Variants in NARS2 observed in about 807,000 individuals in gnomAD.
The protein encoded by NARS2 is asparaginyl-tRNA synthetase 2, mitochondrial.
A neutral mutation model predicts 62.9 loss-of-function variants in NARS2; 60 were observed. That is an observed-to-expected ratio of 0.95 (90% CI 0.77 to 1.18). The LOEUF is 1.18. Among genes scored for constraint, NARS2 ranks in the 50% most tolerant of loss-of-function variants. The probability of loss-of-function intolerance (pLI) is 0.00; values close to 1 mark genes in which losing one functional copy is unlikely to be tolerated. For missense variants in NARS2, 619 were observed against 576.4 expected, an observed-to-expected ratio of 1.07 and a Z score of -0.76; for synonymous variants, 196 against 200.0, an observed-to-expected ratio of 0.98 and a Z score of 0.17.
At chr11:78,490,594 AT>A (rs1859777429) in intron 7 of NARS2, among the ~76,000 whole-genome samples, 2 of 152,056 alleles carry the variant, frequency 1.3e-5, no homozygotes, top group African/African-American at 4.8e-5. Context: ...AGGCAGGCGG[AT>A]GGCTTGAGCT....
intron 9 of NARS2, among the ~76,000 whole-genome samples, chr11:78,473,750 C>T (rs1321115745): frequency 6.6e-6 from 1 of 152,208 alleles, no homozygotes; most frequent in Admixed American, 6.5e-5. Context: ...TTTGTAAATT[C>T]TCTATGCTGG....
intron 7 of NARS2, among the ~76,000 whole-genome samples, chr11:78,492,205 G>T (rs1474051226): frequency 6.6e-6 from 1 of 151,414 alleles, no homozygotes; most frequent in Admixed American, 6.6e-5. Flanking sequence ...CTATGTATTG[G>T]AATTTTGATG....
At chr11:78,465,772 T>C in intron 11 of NARS2, 104 bp downstream of exon 11, 1 of 1,283,944 alleles carries the variant, frequency 7.8e-7, no homozygotes, top group Non-Finnish European at 1.1e-6. Flanking sequence ...ATTATCATTT[T>C]AAGAGATAGA....
chr11:78,549,387 CAG>C (rs1434786011), intron 5 of NARS2, among the ~76,000 whole-genome samples: 1 of 152,214 alleles, frequency 6.6e-6, no homozygotes, highest in Non-Finnish European at 1.5e-5. Flanking sequence ...GGCCATAAAA[CAG>C]AGCTCCAAAT....
At chr11:78,503,253 C>T (rs545349456) in intron 6 of NARS2, among the ~76,000 whole-genome samples, 2 of 152,230 alleles carry the variant, frequency 1.3e-5, no homozygotes, top group South Asian at 2.1e-4. Context: ...AGCACAGATG[C>T]TGAATGGTAC....
chr11:78,525,189 A>T (rs1590814206), intron 6 of NARS2, among the ~76,000 whole-genome samples: 1 of 152,106 alleles, frequency 6.6e-6, no homozygotes, highest in Non-Finnish European at 1.5e-5. Flanking sequence ...AGCAAAAACT[A>T]TTCTGTATGT....
chr11:78,441,042 C>G (rs774324186), intron 13 of NARS2, 49 bp downstream of exon 13: 2 of 1,566,720 alleles, frequency 1.3e-6, no homozygotes, highest in East Asian at 4.5e-5. Flanking sequence ...TTCTAGGCAA[C>G]AGTCAGACAA....
chr11:78,553,456 T>C (rs7108742), intron 5 of NARS2, among the ~76,000 whole-genome samples: 98,225 of 151,862 alleles, frequency 0.65, 35,132 homozygotes, highest in Non-Finnish European at 0.81. Flanking sequence ...GCCCGGCTAA[T>C]GTTTGTATTT....
chr11:78,513,261 A>T (rs1860781545), intron 6 of NARS2, among the ~76,000 whole-genome samples: 1 of 152,128 alleles, frequency 6.6e-6, no homozygotes, highest in South Asian at 2.1e-4. Context: ...AATAAAATAA[A>T]ATGTACAATT....
Position 78,478,437 on chromosome 11 carries a change from C to T in NARS2, c.959+1G>A, listed in dbSNP as rs1158541426. On this transcript the variant is annotated splice_donor_variant, in intron 9 of 13. Transcript: ENST00000281038. LOFTEE classifies it high-confidence loss of function. The stretch of plus-strand genomic sequence containing the variant: ...GTTCAAAAAGTATAACATCTACTTA[C>T]ATTAAAAAGTTGTTTTTTAGCATAT... 1 of 1,048,170 alleles carries T rather than the reference C, an allele frequency of 9.5e-7. No individual in the cohort carries two copies. Among genetic ancestry groups the T allele is most frequent in the Non-Finnish European group, 1.4e-6 (1 of 738,678 alleles). 64.9% of individuals were successfully genotyped at this position (1,048,170 alleles called of 1,614,324 possible).
At position 78,497,207 on chromosome 11, in the gene NARS2, A is replaced by G. The variant is rs144791943; in HGVS notation, c.690-4012T>C. ...AATACACATCAACCTAGATAGCTACAAAAATGGCTCTTTGGAAAATAAAAA... is the reference window on the plus strand; with the variant it reads ...AATACACATCAACCTAGATAGCTACGAAAATGGCTCTTTGGAAAATAAAAA... On this transcript the variant is annotated intron_variant, in intron 6 of 13. Coordinates refer to ENST00000281038, the MANE Select transcript of NARS2 (RefSeq NM_024678.6). Among the ~76,000 whole-genome samples, 1,453 of 151,470 alleles carry G rather than the reference A, an allele frequency of 9.6e-3. 18 individuals carry two copies. Among genetic ancestry groups the G allele is most frequent in the African/African-American group, 0.031 (1,268 of 41,256 alleles).
intron 5 of NARS2, among the ~76,000 whole-genome samples, chr11:78,543,794 A>G (rs1289919721): frequency 6.6e-6 from 1 of 152,074 alleles, no homozygotes; most frequent in Non-Finnish European, 1.5e-5. Context: ...GCACTTTGGG[A>G]GGCCAAGGCG....
At chr11:78,561,666 A>C (rs1274904828) in intron 4 of NARS2, among the ~76,000 whole-genome samples, 2 of 152,226 alleles carry the variant, frequency 1.3e-5, no homozygotes, top group Admixed American at 1.3e-4. Flanking sequence ...TGAAATAACT[A>C]TTATTTAATC....
At chr11:78,499,627 G>C (rs906360302) in intron 6 of NARS2, among the ~76,000 whole-genome samples, 1 of 152,144 alleles carries the variant, frequency 6.6e-6, no homozygotes, top group African/African-American at 2.4e-5. Context: ...TCTTTGAAAA[G>C]GACTAGAGCG....
chr11:78,463,713 C>CAAAAAAA lies in NARS2; in HGVS notation c.1164+2156_1164+2162dup, dbSNP rs10649252. Among the ~76,000 whole-genome samples, 103 of 47,982 alleles carry CAAAAAAA rather than the reference C, an allele frequency of 2.1e-3. 6 individuals are homozygous for CAAAAAAA. Among genetic ancestry groups the CAAAAAAA allele is most frequent in the African/African-American group, 7.5e-3 (94 of 12,542 alleles). The allele number at this position is 47,982 out of a possible 152,430, so 31.5% of individuals were successfully genotyped here. A position where few individuals can be genotyped will look rare whatever the true frequency, so the allele number is the denominator to read the frequency against. ...AAAAAAAGACAACTATAGTTAAGGT[C>CAAAAAAA]AAAAAAAAAAAAAAAAAAAAAAAAC... is the stretch of plus-strand genomic sequence containing the variant. On this transcript the variant is annotated intron_variant, in intron 11 of 13. Transcript: ENST00000281038.
intron 5 of NARS2, among the ~76,000 whole-genome samples, chr11:78,530,956 A>G (rs1384321192): frequency 6.6e-6 from 1 of 152,208 alleles, no homozygotes; most frequent in Non-Finnish European, 1.5e-5. Context: ...TATTACAATT[A>G]AAGTATTATA....
At chr11:78,450,526 C>T (rs1262880177) in intron 11 of NARS2, among the ~76,000 whole-genome samples, 1 of 152,126 alleles carries the variant, frequency 6.6e-6, no homozygotes, top group Non-Finnish European at 1.5e-5. Flanking sequence ...TGCAAAGTTG[C>T]TTCCCCTCTT....
At chr11:78,469,466 T>C (rs1181217014) in intron 9 of NARS2, among the ~76,000 whole-genome samples, 153 bp from the exon 10 acceptor site, 2 of 152,242 alleles carry the variant, frequency 1.3e-5, no homozygotes, top group Non-Finnish European at 2.9e-5. Flanking sequence ...GAAAGAATGA[T>C]CTGCCTGAAG....
chr11:78,452,742 T>C (rs1448130364), intron 11 of NARS2, among the ~76,000 whole-genome samples: 2 of 152,164 alleles, frequency 1.3e-5, no homozygotes, highest in Non-Finnish European at 2.9e-5. Context: ...AATAATGGCA[T>C]AGGAACCCTC....
Sources: gnomAD v4.1 joint callset for allele counts (sites outside exome capture counted in the v4.1 genomes callset) on GRCh38, gnomAD v4.1.1 for gene constraint, MANE v1.5 for transcripts, NCBI Gene and HGNC (gene_info 2026-07-23, HGNC 2026-07-21) for gene names.